The following SP100 variants were observed in gnomAD, a reference collection of about 807,000 sequenced individuals.
The protein encoded by SP100 is SP100 nuclear body protein, also known as nuclear autoantigen Sp-100.
In SP100, 84 loss-of-function variants were observed where a neutral mutation model predicts 130.0. The observed-to-expected ratio is 0.65, with a 90% CI of 0.54 to 0.77. The LOEUF is 0.77. Ranked by LOEUF, SP100 falls within the 30% of genes least tolerant of loss-of-function variation. The probability of loss-of-function intolerance (pLI) is 0.00; values close to 1 mark genes in which losing one functional copy is unlikely to be tolerated. For missense variants in SP100, 978 were observed against 1,052.2 expected (o/e 0.93, Z 0.97); for synonymous variants, 331 against 351.7 (o/e 0.94, Z 0.66).
chr2:230,476,961 G>T (rs967372611), intron 17 of SP100, among the ~76,000 whole-genome samples: 2 of 152,068 alleles, frequency 1.3e-5, no homozygotes, highest in East Asian at 3.9e-4. Flanking sequence ...TGCCTCCCAG[G>T]TTCACACCAT....
chr2:230,458,116 G>T (rs112983309), intron 8 of SP100, among the ~76,000 whole-genome samples: 23,797 of 152,116 alleles, frequency 0.16, 2,001 homozygotes, highest in Non-Finnish European at 0.18. Flanking sequence ...GAGGTTAGGG[G>T]TACCAATGCC....
At chr2:230,541,144 A>G (rs1692156813) in intron 26 of SP100, 148 bp downstream of exon 26, 1 of 1,247,330 alleles carries the variant, frequency 8.0e-7, no homozygotes, top group African/African-American at 1.5e-5. Flanking sequence ...GCTACAATTC[A>G]TATTCCAAAG....
At chr2:230,485,743 T>C (rs2066050636) in intron 17 of SP100, among the ~76,000 whole-genome samples, 1 of 152,242 alleles carries the variant, frequency 6.6e-6, no homozygotes, top group Admixed American at 6.5e-5. Context: ...TGTTGGGTTT[T>C]ACTTTGTAAT....
In SP100 at chr2:230,457,029, A is replaced by T. The variant is rs79291383; in HGVS notation, c.821-4233A>T. Among the ~76,000 whole-genome samples the T allele has an allele frequency of 6.1e-3, 932 of 152,290 alleles. 9 individuals are homozygous for T. The highest frequency in any genetic ancestry group is 0.021 in the African/African-American group (892 of 41,554). On this transcript the variant is annotated intron_variant, in intron 8 of 28. Transcript: ENST00000340126. ...TGTCTGTACATTTGAGAAAGTAGAA[A>T]CTATTCTAGTCTTTGCAGGCTGACT...
chr2:230,515,714 GA>G (rs1303250935), intron 24 of SP100: 1 of 1,527,522 alleles, frequency 6.5e-7, no homozygotes, highest in Non-Finnish European at 8.7e-7. Context: ...TCCTTTTAAA[GA>G]AAAAAACTTC....
At chr2:230,418,194 C>T (rs1285006960) in intron 2 of SP100, among the ~76,000 whole-genome samples, 1 of 152,194 alleles carries the variant, frequency 6.6e-6, no homozygotes, top group Non-Finnish European at 1.5e-5. Context: ...TTCATCTTTT[C>T]AGTCTTTCAC....
At chr2:230,477,197 A>C (rs1263678706) in intron 17 of SP100, among the ~76,000 whole-genome samples, 17 of 152,080 alleles carry the variant, frequency 1.1e-4, no homozygotes, top group Admixed American at 1.1e-3. Context: ...TGTTTTTCTT[A>C]TTATTCTGAA....
chr2:230,468,817 C>CAAAAAAAA (rs10617635), intron 13 of SP100: 6 of 149,774 alleles, frequency 4.0e-5, no homozygotes, highest in South Asian at 1.3e-4. Flanking sequence ...GACCCTGTCT[C>CAAAAAAAA]AAAAAAAAAA....
chr2:230,520,010 CAAGTA>C (rs747444809), intron 24 of SP100, among the ~76,000 whole-genome samples: 37 of 152,260 alleles, frequency 2.4e-4, no homozygotes, highest in Middle Eastern at 3.4e-3. Flanking sequence ...TTGAATGAGA[CAAGTA>C]ATGTAGTGGA....
intron 13 of SP100, among the ~76,000 whole-genome samples, chr2:230,468,039 A>C (rs768558676): frequency 6.6e-6 from 1 of 152,192 alleles, no homozygotes; most frequent in Non-Finnish European, 1.5e-5. Context: ...TGATATTTGA[A>C]AATATATTTA....
chr2:230,436,906 G>GTGTATACACACACA (rs1559486478), intron 2 of SP100, among the ~76,000 whole-genome samples: 1 of 67,748 alleles, frequency 1.5e-5, no homozygotes, highest in African/African-American at 6.0e-5. Flanking sequence ...ATACACACAC[G>GTGTATACACACACA]CATATATGTG....
intron 24 of SP100, among the ~76,000 whole-genome samples, chr2:230,532,535 A>AT (rs1480032791): frequency 8.7e-6 from 1 of 114,596 alleles, no homozygotes; most frequent in African/African-American, 3.2e-5. Context: ...TTAAGTAGTA[A>AT]TAAAAAAAAA....
At chr2:230,443,226 T>C in intron 3 of SP100, 127 bp downstream of exon 3, 1 of 808,376 alleles carries the variant, frequency 1.2e-6, no homozygotes, top group Admixed American at 2.7e-5. Context: ...TGGGGAACTT[T>C]TTCAAGTGTT....
intron 2 of SP100, among the ~76,000 whole-genome samples, chr2:230,432,405 G>T (rs2063126395): frequency 6.6e-6 from 1 of 152,144 alleles, no homozygotes; most frequent in Non-Finnish European, 1.5e-5. Context: ...ATATTTAGGA[G>T]TGAAACTATT....
At chr2:230,483,567 T>A (rs1649925) in intron 17 of SP100, among the ~76,000 whole-genome samples, 127,339 of 152,182 alleles carry the variant, frequency 0.84, 53,634 homozygotes, top group Middle Eastern at 0.93. Flanking sequence ...TTGTGAGAAC[T>A]TCCTCTGGAT....
At chr2:230,417,219 C>T (rs528400095) in intron 1 of SP100, among the ~76,000 whole-genome samples, 42 of 152,120 alleles carry the variant, frequency 2.8e-4, no homozygotes, top group African/African-American at 9.4e-4. Context: ...TTTGTAAATA[C>T]GTAATTTATG....
At chr2:230,535,382 T>C (rs781617269) in intron 24 of SP100, among the ~76,000 whole-genome samples, 1 of 152,166 alleles carries the variant, frequency 6.6e-6, no homozygotes, top group African/African-American at 2.4e-5. Flanking sequence ...TAACCTAATA[T>C]GAAGCAGAGC....
chr2:230,430,579 G>A (rs911755196), intron 2 of SP100, among the ~76,000 whole-genome samples: 1 of 152,174 alleles, frequency 6.6e-6, no homozygotes, highest in African/African-American at 2.4e-5. Flanking sequence ...ATAAATTTCT[G>A]GAATCCCTGT....
Position 230,512,276 on chromosome 2 carries a change from C to CTTT in SP100, c.2094+1139_2094+1141dup, listed in dbSNP as rs34753799. On this transcript the variant is annotated intron_variant, in intron 24 of 28. Coordinates refer to ENST00000340126, the MANE Select transcript of SP100 (RefSeq NM_001080391.2). ...GGGAGTTTTTAACAAATTGAAATGCCTTTTTTTTTTTTTTTTTTTTTTTTT... is the reference window on the plus strand; with the variant it reads ...GGGAGTTTTTAACAAATTGAAATGCCTTTTTTTTTTTTTTTTTTTTTTTTTTTT... Among the ~76,000 whole-genome samples the CTTT allele has an allele frequency of 6.3e-4, 48 of 76,108 alleles. 2 individuals carry two copies. The highest frequency in any genetic ancestry group is 2.5e-3 in the East Asian group (6 of 2,380). 49.9% of individuals were successfully genotyped at this position (76,108 alleles called of 152,430 possible). A position where few individuals can be genotyped will look rare whatever the true frequency, so the allele number is the denominator to read the frequency against.
Sources: allele counts gnomAD v4.1 joint callset (sites outside exome capture counted in the v4.1 genomes callset), GRCh38; gene constraint gnomAD v4.1.1; transcripts MANE v1.5; gene names NCBI Gene and HGNC (gene_info 2026-07-23, HGNC 2026-07-21).